Variants in SPOP observed in about 807,000 individuals in gnomAD.
The protein encoded by SPOP is speckle-type POZ protein.
SPOP carries 11 observed loss-of-function variants against 45.6 expected under a neutral mutation model. That is an observed-to-expected ratio of 0.24 (90% CI 0.15 to 0.40). SPOP has a LOEUF of 0.40. Among genes scored for constraint, SPOP ranks in the 10% least tolerant of loss-of-function variants. The probability of loss-of-function intolerance (pLI) is 1.00; values close to 1 mark genes in which losing one functional copy is unlikely to be tolerated. For synonymous variants in SPOP, 166 were observed against 166.3 expected (o/e 1.00, Z 0.01); for missense variants, 152 against 465.6 (o/e 0.33, Z 6.20).
chr17:49,670,739 G>A (rs1335894412), intron 1 of SPOP, among the ~76,000 whole-genome samples: 2 of 152,134 alleles, frequency 1.3e-5, no homozygotes, highest in African/African-American at 4.8e-5. Context: ...ATGACAGAAA[G>A]CCACAGGATT....
At chr17:49,620,489 G>A (rs1327655019) in intron 3 of SPOP, 4 of 149,192 alleles carry the variant, frequency 2.7e-5, no homozygotes, top group Non-Finnish European at 5.9e-5. Flanking sequence ...AAAAAAAAGT[G>A]TGAATAATCT....
intron 6 of SPOP, among the ~76,000 whole-genome samples, chr17:49,610,439 G>A (rs879841576): frequency 3.3e-5 from 5 of 152,092 alleles, no homozygotes; most frequent in Non-Finnish European, 5.9e-5. Flanking sequence ...GGCTGGTCTC[G>A]AACTCCTGAC....
At chr17:49,664,866 T>C (rs1270875719) in intron 1 of SPOP, among the ~76,000 whole-genome samples, 1 of 152,244 alleles carries the variant, frequency 6.6e-6, no homozygotes, top group Non-Finnish European at 1.5e-5. Flanking sequence ...GCTACTGTTT[T>C]GGTTCCAGCC....
rs1338311086 is a variant in SPOP, at chr17:49,607,326, A to G, written c.761T>C (p.Met254Thr). The change falls in exon 8 of 10, where the codon ATG (methionine) becomes ACG (threonine). Residue 254 changes from methionine (M) to threonine (T), a missense_variant. Physicochemically the swap from Met to Thr is moderately conservative, Grantham distance 81 (BLOSUM62 -1). Around this residue, in one of 3 missense-constraint regions of SPOP, gnomAD observed 106 missense variants for 255.2 expected, o/e 0.42. Transcript: ENST00000504102. ...CTTCCCCGTGTAAATGAAGCACATC[A>G]TTTCCTTAAAAACTTCAGGCTCCAC... ...NDVEPEVFKE[M>T]MCFIYTGKAP... 1 of 1,614,060 alleles carries G rather than the reference A, an allele frequency of 6.2e-7. No homozygotes were observed. Among genetic ancestry groups the G allele is most frequent in the African/African-American group, 1.3e-5 (1 of 75,016 alleles).
intron 1 of SPOP, among the ~76,000 whole-genome samples, chr17:49,642,218 A>C (rs778735759): frequency 2.0e-5 from 3 of 152,120 alleles, no homozygotes; most frequent in African/African-American, 4.8e-5. Context: ...AGCACATTTT[A>C]CTTTTATAGT....
intron 1 of SPOP, among the ~76,000 whole-genome samples, chr17:49,653,930 G>C (rs1236001829): frequency 6.6e-6 from 1 of 151,836 alleles, no homozygotes. Flanking sequence ...AGAAGATACA[G>C]ACAGAAAAAA....
intron 5 of SPOP, 52 bp from the exon 6 acceptor site, chr17:49,611,509 T>C: frequency 6.5e-7 from 1 of 1,537,384 alleles, no homozygotes; most frequent in Non-Finnish European, 8.7e-7. Context: ...GGAATTTTTT[T>C]GCCAGCAGAT....
At chr17:49,645,849 A>T (rs1425177595) in intron 1 of SPOP, among the ~76,000 whole-genome samples, 3 of 149,546 alleles carry the variant, frequency 2.0e-5, no homozygotes, top group Non-Finnish European at 1.5e-5. Flanking sequence ...TTCTTCCTTG[A>T]CGTTTCCCAT....
intron 1 of SPOP, among the ~76,000 whole-genome samples, chr17:49,628,339 T>G (rs1041944183): frequency 1.3e-5 from 2 of 152,188 alleles, no homozygotes; most frequent in Non-Finnish European, 2.9e-5. Context: ...CTTTAAAATA[T>G]CTCTGTCAAC....
At chr17:49,657,571 G>C (rs2072930363) in intron 1 of SPOP, among the ~76,000 whole-genome samples, 1 of 150,172 alleles carries the variant, frequency 6.7e-6, no homozygotes, top group African/African-American at 2.5e-5. Flanking sequence ...GCTAATTTTT[G>C]TATTTTTAAT....
chr17:49,609,292 A>C (rs890362526), intron 6 of SPOP, among the ~76,000 whole-genome samples: 1 of 152,228 alleles, frequency 6.6e-6, no homozygotes, highest in Non-Finnish European at 1.5e-5. Context: ...TACCGAAAGG[A>C]TATCAATTCT....
At chr17:49,671,231 G>C (rs1348104296) in intron 1 of SPOP, among the ~76,000 whole-genome samples, 2 of 151,980 alleles carry the variant, frequency 1.3e-5, no homozygotes, top group Non-Finnish European at 2.9e-5. Context: ...TAAAATTAAA[G>C]CACCTTTAGT....
chr17:49,653,098 T>G (rs1262639168), intron 1 of SPOP, among the ~76,000 whole-genome samples: 1 of 151,968 alleles, frequency 6.6e-6, no homozygotes, highest in Non-Finnish European at 1.5e-5. Flanking sequence ...ATTTCCTCAT[T>G]TTTTTTCCCC....
At chr17:49,625,926 A>C (rs1358919150) in intron 1 of SPOP, among the ~76,000 whole-genome samples, 1 of 152,222 alleles carries the variant, frequency 6.6e-6, no homozygotes. Flanking sequence ...AGAAAATATG[A>C]TAATACAAAT....
intron 1 of SPOP, among the ~76,000 whole-genome samples, chr17:49,671,552 G>A (rs1458940954): frequency 1.3e-5 from 2 of 151,728 alleles, no homozygotes; most frequent in African/African-American, 4.8e-5. Flanking sequence ...CAAAAAGAAG[G>A]TAATGTTGGT....
chr17:49,620,809 C>T (rs968446609), intron 3 of SPOP: 1 of 153,394 alleles, frequency 6.5e-6, no homozygotes, highest in Non-Finnish European at 1.5e-5. Context: ...TAAGCCTTAT[C>T]TGTATTATTG....
At chr17:49,642,216 T>G (rs1455274287) in intron 1 of SPOP, among the ~76,000 whole-genome samples, 1 of 152,128 alleles carries the variant, frequency 6.6e-6, no homozygotes, top group African/African-American at 2.4e-5. Flanking sequence ...TGAGCACATT[T>G]TACTTTTATA....
Position 49,600,265 on chromosome 17 carries a change from C to A in SPOP, c.*113G>T. 7.2e-7 allele frequency: 1 copy of A among 1,389,570 alleles called. No individual in the cohort carries two copies. Among genetic ancestry groups the A allele is most frequent in the Middle Eastern group, 2.6e-4 (1 of 3,838 alleles). 86.1% of individuals were successfully genotyped at this position (1,389,570 alleles called of 1,614,324 possible). On this transcript the variant is annotated 3_prime_UTR_variant, in exon 10 of 10. Transcript: ENST00000504102. The surrounding 1 kb of genome is among the most constrained non-coding windows in gnomAD (Gnocchi z 4.2). ...TCTGGGGCCACAATGCAGTCTCTTCCCCTCACAACAGAGTAAAAGCTCCAC... is the reference window on the plus strand; with the variant it reads ...TCTGGGGCCACAATGCAGTCTCTTCACCTCACAACAGAGTAAAAGCTCCAC...
In SPOP at chr17:49,649,703, C is replaced by T. The variant is rs557912263; in HGVS notation, c.-66-26827G>A. ...AATTAGCCGGGCATGGTGGCAGGCGCCTGTAGTCCCAGCTGCTCGGGAGGC... is the reference window on the plus strand; with the variant it reads ...AATTAGCCGGGCATGGTGGCAGGCGTCTGTAGTCCCAGCTGCTCGGGAGGC... On this transcript the variant is annotated intron_variant, in intron 1 of 9. Transcript: ENST00000504102. Among the ~76,000 whole-genome samples the T allele has an allele frequency of 1.1e-4, 16 of 151,536 alleles. No homozygotes were observed. The South Asian group carries it at 3.3e-3, about 32-fold the overall frequency.
Sources: allele counts gnomAD v4.1 joint callset (sites outside exome capture counted in the v4.1 genomes callset), GRCh38; gene constraint gnomAD v4.1.1; regional missense constraint gnomAD v4.1.1; non-coding constraint Gnocchi (gnomAD v3.1); transcripts MANE v1.5; gene names NCBI Gene and HGNC (gene_info 2026-07-23, HGNC 2026-07-21).